The following FSTL4 variants were observed in gnomAD, a reference collection of about 807,000 sequenced individuals.
FSTL4 encodes follistatin-related protein 4.
FSTL4 carries 28 observed loss-of-function variants against 78.2 expected under a neutral mutation model. The ratio of observed to expected loss-of-function variants is 0.36; its 90% CI spans 0.27 to 0.49. The LOEUF is 0.49. FSTL4 is among the 20% of genes least tolerant of loss of function. The probability of loss-of-function intolerance (pLI) is 0.98; values close to 1 mark genes in which losing one functional copy is unlikely to be tolerated. For missense variants in FSTL4, 922 were observed against 1,084.9 expected (o/e 0.85, Z 2.11); for synonymous variants, 422 against 440.5 (o/e 0.96, Z 0.53).
intron 4 of FSTL4, among the ~76,000 whole-genome samples, chr5:133,353,334 C>T (rs1754870519): frequency 1.3e-5 from 2 of 152,252 alleles, no homozygotes; most frequent in Non-Finnish European, 1.5e-5. Context: ...CTTTTCTCTC[C>T]TACCTAATTT....
chr5:133,387,004 G>C (rs919028060), intron 4 of FSTL4, among the ~76,000 whole-genome samples: 3 of 152,202 alleles, frequency 2.0e-5, no homozygotes, highest in Non-Finnish European at 2.9e-5. Context: ...TCCCTTTAGG[G>C]GAGTGAGAGT....
At chr5:133,257,253 G>C (rs115841020) in intron 6 of FSTL4, among the ~76,000 whole-genome samples, 1,662 of 152,284 alleles carry the variant, frequency 0.011, 37 homozygotes, top group African/African-American at 0.038. Context: ...AGTGTTAAGT[G>C]GGGAGGGAGA....
At chr5:133,543,573 A>G (rs1025487846) in intron 3 of FSTL4, among the ~76,000 whole-genome samples, 1 of 152,112 alleles carries the variant, frequency 6.6e-6, no homozygotes, top group African/African-American at 2.4e-5. Context: ...TTATGCCTCT[A>G]TTATATTGTG....
chr5:133,721,790 T>A, the FSTL4 span, among the ~76,000 whole-genome samples: 1 of 152,314 alleles, frequency 6.6e-6, no homozygotes, highest in South Asian at 2.1e-4. Context: ...TGGGAACCTT[T>A]GAGCATCATG....
chr5:133,673,566 C>G, the FSTL4 span, among the ~76,000 whole-genome samples: 3 of 152,248 alleles, frequency 2.0e-5, no homozygotes, highest in African/African-American at 4.8e-5. Flanking sequence ...TGACATCTCA[C>G]GATGCCTGCC....
At chr5:133,235,589 A>G (rs188927798) in intron 7 of FSTL4, among the ~76,000 whole-genome samples, 5 of 151,926 alleles carry the variant, frequency 3.3e-5, no homozygotes, top group East Asian at 1.9e-4. Flanking sequence ...GGGCAAAGGC[A>G]GGAAGGTAGA....
the FSTL4 span, among the ~76,000 whole-genome samples, chr5:133,694,957 T>C: frequency 6.6e-6 from 1 of 152,166 alleles, no homozygotes; most frequent in East Asian, 1.9e-4. Context: ...GCTTGGGGGT[T>C]AGGGCTTCAA....
At chr5:133,755,126 C>G in the FSTL4 span, among the ~76,000 whole-genome samples, 8 of 152,116 alleles carry the variant, frequency 5.3e-5, no homozygotes, top group Admixed American at 3.3e-4. Context: ...CATGGAAACT[C>G]TCAGATTTCC....
At chr5:133,211,200 C>T (rs1750701011) in intron 13 of FSTL4, among the ~76,000 whole-genome samples, 1 of 152,174 alleles carries the variant, frequency 6.6e-6, no homozygotes, top group Non-Finnish European at 1.5e-5. Flanking sequence ...TCTCCTATGG[C>T]CCTGTCAAAT....
intron 3 of FSTL4, among the ~76,000 whole-genome samples, chr5:133,547,211 T>C (rs1759594935): frequency 6.6e-6 from 1 of 151,046 alleles, no homozygotes; most frequent in Middle Eastern, 3.4e-3. Flanking sequence ...TGGGGCCTGA[T>C]ACTCCTTTCT....
chr5:133,348,237 G>A (rs1754742202), intron 4 of FSTL4, among the ~76,000 whole-genome samples: 1 of 152,190 alleles, frequency 6.6e-6, no homozygotes, highest in South Asian at 2.1e-4. Context: ...GCTTTTGAAA[G>A]GTAATTTATG....
intron 4 of FSTL4, among the ~76,000 whole-genome samples, chr5:133,341,179 C>T (rs1052700745): frequency 6.7e-6 from 1 of 149,068 alleles, no homozygotes; most frequent in Admixed American, 6.7e-5. Flanking sequence ...AGAGAGTTCA[C>T]ATTAACTTTA....
intron 2 of FSTL4, among the ~76,000 whole-genome samples, chr5:133,578,985 G>T (rs1760343301): frequency 1.3e-5 from 2 of 152,104 alleles, no homozygotes; most frequent in East Asian, 1.9e-4. Context: ...CCACGTCCAA[G>T]ACCATCACAA....
intron 3 of FSTL4, among the ~76,000 whole-genome samples, chr5:133,559,294 G>C (rs895711939): frequency 1.3e-5 from 2 of 152,210 alleles, no homozygotes; most frequent in African/African-American, 4.8e-5. Flanking sequence ...GTGTTTATAT[G>C]AAGAAGATAA....
chr5:133,261,352 T>TCACAC (rs1370107503), intron 6 of FSTL4, among the ~76,000 whole-genome samples: 35 of 152,230 alleles, frequency 2.3e-4, no homozygotes, highest in Admixed American at 1.4e-3. Flanking sequence ...GTGGAAAGGA[T>TCACAC]GTGAGTTTTA....
chr5:133,667,611 G>A, the FSTL4 span, among the ~76,000 whole-genome samples: 3 of 152,254 alleles, frequency 2.0e-5, no homozygotes, highest in Non-Finnish European at 2.9e-5. Flanking sequence ...CAGCTCCTCT[G>A]CCCAGAAGGC....
At chr5:133,582,880 C>T (rs1170925082) in intron 2 of FSTL4, among the ~76,000 whole-genome samples, 1 of 152,150 alleles carries the variant, frequency 6.6e-6, no homozygotes, top group East Asian at 1.9e-4. Context: ...CCCTCCTCTC[C>T]TCACTCATGG....
intron 4 of FSTL4, among the ~76,000 whole-genome samples, chr5:133,363,260 T>A (rs1327788511): frequency 6.6e-6 from 1 of 152,180 alleles, no homozygotes; most frequent in Non-Finnish European, 1.5e-5. Flanking sequence ...AGGTACCAAG[T>A]GCCCACAGAA....
the FSTL4 span, among the ~76,000 whole-genome samples, chr5:133,640,311 A>C: frequency 4.6e-5 from 7 of 152,202 alleles, no homozygotes; most frequent in Non-Finnish European, 1.0e-4. Flanking sequence ...GATGCCTTGG[A>C]AGGGAGACAT....
Sources: gnomAD v4.1 joint callset for allele counts (sites outside exome capture counted in the v4.1 genomes callset) on GRCh38, gnomAD v4.1.1 for gene constraint, MANE v1.5 for transcripts, NCBI Gene and HGNC (gene_info 2026-07-23, HGNC 2026-07-21) for gene names.